NHS: variants seen among roughly 807,000 people sequenced by gnomAD.
NHS encodes actin remodeling regulator NHS.
Under a neutral mutation model 72.5 loss-of-function variants are expected in NHS, and 5 were observed. The ratio of observed to expected loss-of-function variants is 0.07; its 90% CI spans 0.04 to 0.14. The LOEUF is 0.14. NHS is among the 10% of genes least tolerant of loss of function. The pLI, the probability that NHS is intolerant of heterozygous loss-of-function variation, is 1.00. For missense variants in NHS, 1,072 were observed against 1,355.7 expected, an observed-to-expected ratio of 0.79 and a Z score of 3.29; for synonymous variants, 464 against 547.7, an observed-to-expected ratio of 0.85 and a Z score of 2.13.
chrX:17,678,785 A>G (rs1034703389), intron 1 of NHS, among the ~76,000 whole-genome samples: 7 of 112,001 alleles, frequency 6.2e-5, no homozygotes, highest in Admixed American at 2.8e-4. Flanking sequence ...ACTACTACAT[A>G]ATAGACATTT....
rs146259912 is a variant in NHS at position 17,471,428 on chromosome X, C to A, written c.565+95106C>A. Among the ~76,000 whole-genome samples, 37 of 112,004 alleles carry A rather than the reference C, an allele frequency of 3.3e-4. No homozygotes were observed. In the East Asian group the frequency reaches 9.8e-3, roughly 30 times the overall value. ...GCTTTCCCATTTTTGCATGAGCCAC[C>A]GGGGTGGAAAAGAGCAACATTTAGA... On this transcript the variant is annotated intron_variant, in intron 1 of 8. Transcript: ENST00000676302.
chrX:17,504,778 A>T (rs957961809), intron 1 of NHS, among the ~76,000 whole-genome samples: 7 of 112,283 alleles, frequency 6.2e-5, no homozygotes, highest in African/African-American at 2.3e-4. Context: ...CCCACTTGCA[A>T]AAAGGGTTTC....
chrX:17,403,400 G>A (rs897100227), intron 1 of NHS, among the ~76,000 whole-genome samples: 1 of 111,713 alleles, frequency 9.0e-6, no homozygotes, highest in African/African-American at 3.3e-5. Context: ...CAGGCTCCAA[G>A]CCCAGCTTGA....
At chrX:17,610,957 A>G (rs1009112691) in intron 1 of NHS, among the ~76,000 whole-genome samples, 1 of 112,414 alleles carries the variant, frequency 8.9e-6, no homozygotes, top group Admixed American at 9.4e-5. Flanking sequence ...GCTAAAGATT[A>G]CAGCAGATAT....
intron 1 of NHS, among the ~76,000 whole-genome samples, chrX:17,398,370 A>T (rs181558401): frequency 8.9e-6 from 1 of 112,291 alleles, no homozygotes. Context: ...AAAGATCGAG[A>T]CTCAAAAATG....
At position 17,732,573 on chromosome X, in the gene NHS, C is replaced by T; in HGVS notation, c.*109C>T. 9.4e-7 allele frequency: 1 copy of T among 1,069,155 alleles called. No homozygotes were observed. The highest frequency in any genetic ancestry group is 1.3e-6 in the Non-Finnish European group (1 of 769,629). The allele number at this position is 1,069,155 out of a possible 1,213,427, so 88.1% of individuals were successfully genotyped here. A position where few individuals can be genotyped will look rare whatever the true frequency, so the allele number is the denominator to read the frequency against. On this transcript the variant is annotated 3_prime_UTR_variant, in exon 9 of 9. Coordinates refer to ENST00000676302, the MANE Select transcript of NHS (RefSeq NM_001291867.2). ...GTCTCAACTTGATGGGGTAGCATCA[C>T]TGCTAAGCAATGAATGAATTTCTAA...
chrX:17,692,506 C>G, intron 3 of NHS, 38 bp downstream of exon 3: 1 of 1,208,098 alleles, frequency 8.3e-7, no homozygotes, highest in African/African-American at 1.7e-5. Context: ...ATGCTTGCTG[C>G]TGAGGAAACA....
At chrX:17,441,318 T>A (rs970656481) in intron 1 of NHS, among the ~76,000 whole-genome samples, 2 of 111,828 alleles carry the variant, frequency 1.8e-5, no homozygotes, top group Admixed American at 1.9e-4. Flanking sequence ...CTTCCCCAGG[T>A]CAGTCATCCA....
chrX:17,679,864 G>C (rs1030031870), intron 1 of NHS, among the ~76,000 whole-genome samples: 2 of 104,107 alleles, frequency 1.9e-5, no homozygotes, highest in Non-Finnish European at 4.0e-5. Flanking sequence ...AAGAAAGGGG[G>C]GGGGGGTGTG....
At chrX:17,464,570 T>A (rs1413235529) in intron 1 of NHS, among the ~76,000 whole-genome samples, 1 of 112,496 alleles carries the variant, frequency 8.9e-6, no homozygotes, top group Non-Finnish European at 1.9e-5. Context: ...GGACTCCCAT[T>A]TCTAAAATGC....
At position 17,514,648 on chromosome X, in the gene NHS, T is replaced by C. The variant is rs184375722; in HGVS notation, c.565+138326T>C. Reference sequence around the variant, plus strand: ...ATTCTAATCAACTCCCCTTCATCTATACATATATCTGTTAGTTCTGTCCCT... The same window carrying C: ...ATTCTAATCAACTCCCCTTCATCTACACATATATCTGTTAGTTCTGTCCCT... On this transcript the variant is annotated intron_variant, in intron 1 of 8. Coordinates refer to ENST00000676302, the MANE Select transcript of NHS (RefSeq NM_001291867.2). Among the ~76,000 whole-genome samples, 96 of 111,944 alleles carry C rather than the reference T, an allele frequency of 8.6e-4. 1 individual carries two copies. The highest frequency in any genetic ancestry group is 1.4e-3 in the Non-Finnish European group (74 of 53,186).
chrX:17,448,619 G>A (rs2146887758), intron 1 of NHS, among the ~76,000 whole-genome samples: 1 of 111,522 alleles, frequency 9.0e-6, no homozygotes, highest in South Asian at 3.8e-4. Flanking sequence ...CCTACTTAAG[G>A]CAAATATGTT....
At chrX:17,655,851 G>A (rs1714399135) in intron 1 of NHS, among the ~76,000 whole-genome samples, 1 of 113,102 alleles carries the variant, frequency 8.8e-6, no homozygotes, top group Admixed American at 9.2e-5. Context: ...AGCGCGCCGT[G>A]CGCAGAGACC....
intron 1 of NHS, among the ~76,000 whole-genome samples, chrX:17,524,456 C>G (rs868046191): frequency 8.9e-6 from 1 of 112,366 alleles, no homozygotes; most frequent in Admixed American, 9.4e-5. Flanking sequence ...CAATCTAGTC[C>G]TGGATCCCAC....
At chrX:17,622,691 C>T (rs149195642) in intron 1 of NHS, among the ~76,000 whole-genome samples, 217 of 111,637 alleles carry the variant, frequency 1.9e-3, no homozygotes, top group African/African-American at 6.8e-3. Flanking sequence ...GTTGCAATTC[C>T]ACTGAGTGTG....
At chrX:17,708,379 A>G (rs2066308552) in intron 3 of NHS, among the ~76,000 whole-genome samples, 1 of 110,724 alleles carries the variant, frequency 9.0e-6, no homozygotes, top group Non-Finnish European at 1.9e-5. Context: ...TCTCCAGAAA[A>G]CCTCCTGTAC....
chrX:17,652,409 T>TA (rs1314966490), intron 1 of NHS, among the ~76,000 whole-genome samples: 1 of 111,990 alleles, frequency 8.9e-6, no homozygotes, highest in African/African-American at 3.3e-5. Context: ...TATTCAACCA[T>TA]AAAAAAAGAA....
chrX:17,612,100 A>G (rs1365634076), intron 1 of NHS, among the ~76,000 whole-genome samples: 1 of 108,119 alleles, frequency 9.2e-6, no homozygotes. Flanking sequence ...TTTTTCCCCA[A>G]AGTACCAAAC....
At chrX:17,458,378 A>G (rs2064833500) in intron 1 of NHS, among the ~76,000 whole-genome samples, 1 of 111,270 alleles carries the variant, frequency 9.0e-6, no homozygotes, top group African/African-American at 3.3e-5. Flanking sequence ...ACAGGCGCAC[A>G]CTACCACACC....
Sources: allele counts gnomAD v4.1 joint callset (sites outside exome capture counted in the v4.1 genomes callset), GRCh38; gene constraint gnomAD v4.1.1; transcripts MANE v1.5; gene names NCBI Gene and HGNC (gene_info 2026-07-23, HGNC 2026-07-21).